The following STYK1 variants were observed in gnomAD, a reference collection of about 807,000 sequenced individuals.
STYK1 encodes tyrosine-protein kinase STYK1.
In STYK1, 46 loss-of-function variants were observed where a neutral mutation model predicts 48.1. That is an observed-to-expected ratio of 0.96 (90% CI 0.75 to 1.22). The LOEUF (loss-of-function observed/expected upper bound fraction) is 1.22, where lower values mean the gene tolerates loss of function less well. Ranked by LOEUF, STYK1 falls within the 50% of genes most tolerant of loss-of-function variation. The probability of loss-of-function intolerance (pLI) is 0.00; values close to 1 mark genes in which losing one functional copy is unlikely to be tolerated. For synonymous variants in STYK1, 188 were observed against 189.0 expected (o/e 0.99, Z 0.04); for missense variants, 527 against 521.1 (o/e 1.01, Z -0.11).
intron 6 of STYK1, among the ~76,000 whole-genome samples, chr12:10,628,984 T>A (rs1185118953): frequency 6.6e-6 from 1 of 152,224 alleles, no homozygotes; most frequent in African/African-American, 2.4e-5. Flanking sequence ...GCTACCATTT[T>A]GAGTGCTTAC....
chr12:10,665,583 C>A (rs7953930), intron 1 of STYK1, among the ~76,000 whole-genome samples: 3 of 151,854 alleles, frequency 2.0e-5, no homozygotes, highest in African/African-American at 4.8e-5. Flanking sequence ...GGATGAGAAC[C>A]AGGAAGAAGA....
chr12:10,654,636 G>A (rs1947698703), intron 1 of STYK1, among the ~76,000 whole-genome samples: 1 of 152,152 alleles, frequency 6.6e-6, no homozygotes, highest in Non-Finnish European at 1.5e-5. Flanking sequence ...AAGACAGAGA[G>A]GGTTAAGGCC....
chr12:10,646,300 C>G (rs1480205818), intron 1 of STYK1, among the ~76,000 whole-genome samples: 1 of 152,160 alleles, frequency 6.6e-6, no homozygotes, highest in African/African-American at 2.4e-5. Context: ...ACAATGAAAT[C>G]CAGGCTGAAG....
chr12:10,650,361 T>C (rs1947649715), intron 1 of STYK1, among the ~76,000 whole-genome samples: 1 of 152,302 alleles, frequency 6.6e-6, no homozygotes, highest in South Asian at 2.1e-4. Context: ...ACAGCTGAGA[T>C]AATTCTGCCT....
chr12:10,662,941 A>G (rs984615689), intron 1 of STYK1, among the ~76,000 whole-genome samples: 18 of 152,166 alleles, frequency 1.2e-4, no homozygotes, highest in African/African-American at 4.1e-4. Flanking sequence ...ATTTACACTT[A>G]GGTTTTTCCT....
chr12:10,624,583 A>G (rs1947334484), intron 8 of STYK1, 68 bp downstream of exon 8: 2 of 1,438,736 alleles, frequency 1.4e-6, no homozygotes, highest in South Asian at 2.3e-5. Context: ...GCAACAGATC[A>G]AATCATATTC....
intron 1 of STYK1, among the ~76,000 whole-genome samples, chr12:10,659,717 C>T (rs1947755488): frequency 6.6e-6 from 1 of 152,106 alleles, no homozygotes; most frequent in Non-Finnish European, 1.5e-5. Context: ...AAAGTTTCAT[C>T]AGAGCTAATT....
At position 10,627,644 on chromosome 12, in the gene STYK1, C is replaced by T. The variant is rs55732607; in HGVS notation, c.714G>A (p.Ala238=). ...VYHIGKQVLL[A]LEFLQEKHLF... is the part of the protein sequence containing the mutation. ...TTGTCATGTTGCCTCATCTTACCAGCGCCAAAAGGACCTGCTTTCCGATGT... is the reference window on the plus strand; with the variant it reads ...TTGTCATGTTGCCTCATCTTACCAGTGCCAAAAGGACCTGCTTTCCGATGT... Residue 238 remains alanine, a synonymous_variant, in exon 7 of 11, where the codon GCG becomes GCA. Coordinates refer to ENST00000075503, the MANE Select transcript of STYK1 (RefSeq NM_018423.3). 42 of 1,612,820 alleles carry T rather than the reference C, an allele frequency of 2.6e-5. 1 individual carries two copies. The highest frequency in any genetic ancestry group is 8.8e-5 in the South Asian group (8 of 90,778).
chr12:10,634,416 A>C (rs1292975173), intron 3 of STYK1, 151 bp downstream of exon 3: 7 of 906,588 alleles, frequency 7.7e-6, no homozygotes, highest in Non-Finnish European at 1.2e-5. Flanking sequence ...CCCTCTCCCC[A>C]AAAAGACAAT....
chr12:10,646,213 C>G (rs575558831), intron 1 of STYK1, among the ~76,000 whole-genome samples: 2 of 152,164 alleles, frequency 1.3e-5, no homozygotes, highest in Non-Finnish European at 1.5e-5. Context: ...CAGAAGAAGA[C>G]AGGAAACTGT....
intron 1 of STYK1, among the ~76,000 whole-genome samples, chr12:10,649,197 T>TA (rs150925300): frequency 0.017 from 2,533 of 151,452 alleles, 58 homozygotes; most frequent in African/African-American, 0.057. Flanking sequence ...GAGATGTAAA[T>TA]AAAAAAAAAT....
chr12:10,636,737 A>G (rs1213770438), intron 2 of STYK1, among the ~76,000 whole-genome samples: 1 of 152,144 alleles, frequency 6.6e-6, no homozygotes, highest in Non-Finnish European at 1.5e-5. Flanking sequence ...GTTTTCATTC[A>G]GGGAGCAGCC....
At chr12:10,630,548 A>G (rs1322987916) in intron 5 of STYK1, among the ~76,000 whole-genome samples, 1 of 151,224 alleles carries the variant, frequency 6.6e-6, no homozygotes, top group East Asian at 1.9e-4. Flanking sequence ...GGAACCTAGG[A>G]TGCAAAGAAG....
chr12:10,664,488 A>G (rs191149509), intron 1 of STYK1, among the ~76,000 whole-genome samples: 37 of 152,292 alleles, frequency 2.4e-4, no homozygotes, highest in Admixed American at 4.6e-4. Context: ...AGCACAGAAC[A>G]GAGAGTTCTA....
chr12:10,624,964 T>C, intron 7 of STYK1, 105 bp from the exon 8 acceptor site: 1 of 928,754 alleles, frequency 1.1e-6, no homozygotes, highest in South Asian at 1.4e-5. Context: ...GGACATTTTC[T>C]ACTCTGAACA....
intron 3 of STYK1, 52 bp from the exon 4 acceptor site, chr12:10,634,176 T>C (rs1947460900): frequency 1.3e-6 from 2 of 1,578,198 alleles, no homozygotes; most frequent in Non-Finnish European, 1.7e-6. Flanking sequence ...CCTAACCTGG[T>C]GTTCATGCAA....
intron 7 of STYK1, among the ~76,000 whole-genome samples, chr12:10,626,016 T>A (rs1197058299): frequency 6.6e-6 from 1 of 152,074 alleles, no homozygotes; most frequent in Non-Finnish European, 1.5e-5. Flanking sequence ...TGACTGAAGA[T>A]CTAGATATTG....
At position 10,621,812 on chromosome 12, in the gene STYK1, C is replaced by T. The variant is rs953983972; in HGVS notation, c.1064+64G>A. On this transcript the variant is annotated intron_variant, in intron 10 of 10. Transcript: ENST00000075503. ...TCATCTGAGCCCTTTGAAAAGGGCA[C>T]GATTGATAGAGGGCTAAACAACATT... 19 of 1,486,366 alleles carry T rather than the reference C, an allele frequency of 1.3e-5. 1 individual carries two copies. The highest frequency in any genetic ancestry group is 1.7e-4 in the Middle Eastern group (1 of 5,768). 92.1% of individuals were successfully genotyped at this position (1,486,366 alleles called of 1,614,324 possible). A position where few individuals can be genotyped will look rare whatever the true frequency, so the allele number is the denominator to read the frequency against.
At chr12:10,652,551 C>T (rs1177700877) in intron 1 of STYK1, among the ~76,000 whole-genome samples, 1 of 152,232 alleles carries the variant, frequency 6.6e-6, no homozygotes, top group Non-Finnish European at 1.5e-5. Flanking sequence ...GCCATCTCTT[C>T]TGAAGTACCC....
Sources: allele counts gnomAD v4.1 joint callset (sites outside exome capture counted in the v4.1 genomes callset), GRCh38; gene constraint gnomAD v4.1.1; transcripts MANE v1.5; gene names NCBI Gene and HGNC (gene_info 2026-07-23, HGNC 2026-07-21).